ZSWIM8: variants seen among roughly 807,000 people sequenced by gnomAD.
ZSWIM8 encodes zinc finger SWIM domain-containing protein 8.
ZSWIM8 carries 27 observed loss-of-function variants against 173.7 expected under a neutral mutation model. That is an observed-to-expected ratio of 0.16 (90% confidence interval 0.11 to 0.21). The LOEUF is 0.21. ZSWIM8 is among the 10% of genes least tolerant of loss of function. ZSWIM8 has a pLI of 1.00. For missense variants in ZSWIM8, 1,627 were observed against 2,428.8 expected (o/e 0.67, Z 6.94); for synonymous variants, 958 against 962.0 (o/e 1.00, Z 0.08).
rs1167509149 is a variant in ZSWIM8, at chr10:73,789,659, C to T, written c.631-58C>T. 1 of 1,551,182 alleles carries T rather than the reference C, an allele frequency of 6.4e-7. No homozygotes were observed. The highest frequency in any genetic ancestry group is 8.7e-7 in the Non-Finnish European group (1 of 1,143,366). On this transcript the variant is annotated intron_variant, in intron 4 of 25. Coordinates refer to ENST00000604729, the MANE Select transcript of ZSWIM8 (RefSeq NM_001367799.1). This position sits in a 1 kb window ranked among gnomAD's most constrained non-coding sequence, Gnocchi z 6.8. ...CCTACTCTGCCTCTCTGTCCCCCAG[C>T]TCCAGCTCCAGCAAACCTGTTCTCA...
chr10:73,792,343 G>A lies in ZSWIM8; in HGVS notation c.1804G>A (p.Gly602Arg), dbSNP rs1292821805. The change falls in exon 10 of 26, where the codon GGA (glycine) becomes AGA (arginine). Residue 602 changes from glycine to arginine, a missense_variant. Gly to Arg is a moderately radical substitution (Grantham distance 125). Coordinates refer to ENST00000604729, the MANE Select transcript of ZSWIM8 (RefSeq NM_001367799.1). The surrounding 1 kb of genome is among the most constrained non-coding windows in gnomAD (Gnocchi z 4.3). ...GSGSKGSAGG[G>R]SKRRLSSEDS... is the part of the protein sequence containing the mutation. Reference sequence around the variant, plus strand: ...TGGGAGCAAGGGCTCAGCAGGTGGCGGAAGCAAGCGACGGCTGAGCAGCGA... The same window carrying A: ...TGGGAGCAAGGGCTCAGCAGGTGGCAGAAGCAAGCGACGGCTGAGCAGCGA... The A allele has an allele frequency of 1.6e-5, 26 of 1,612,074 alleles. No individual in the cohort carries two copies. Among genetic ancestry groups the A allele is most frequent in the African/African-American group, 4.0e-5 (3 of 74,892 alleles).
rs1197356285 is a variant in ZSWIM8 at position 73,789,761 on chromosome 10, C to G, written c.675C>G (p.Ser225=). Residue 225 remains serine (S), a synonymous_variant, in exon 5 of 26, where the codon TCC becomes TCG. Coordinates refer to ENST00000604729, the MANE Select transcript of ZSWIM8 (RefSeq NM_001367799.1). The surrounding 1 kb of genome is among the most constrained non-coding windows in gnomAD (Gnocchi z 6.8). ...CLRAPVSESL[S]RLQRDQLQKF... is the part of the protein sequence containing the mutation. ...GAGCCCCAGTCTCAGAGTCCCTGTC[C>G]CGGCTACAGAGGGACCAGCTGCAAA... is the stretch of plus-strand genomic sequence containing the variant. 1.9e-6 allele frequency: 3 copies of G among 1,609,796 alleles called. No homozygotes were observed. Among genetic ancestry groups the G allele is most frequent in the African/African-American group, 2.7e-5 (2 of 74,794 alleles).
chr10:73,796,442 G>A (rs531440508), intron 15 of ZSWIM8: 1 of 423,406 alleles, frequency 2.4e-6, no homozygotes, highest in Admixed American at 3.5e-5. Context: ...TAAAGAATAA[G>A]AGAAGACCAA....
At position 73,797,702 on chromosome 10, in the gene ZSWIM8, T is replaced by C; in HGVS notation, c.3663-79T>C. The stretch of plus-strand genomic sequence containing the variant: ...CCATTGTCTCCCAGCATCCTCACTT[T>C]CCCTGGTCCTTCCCAACCTACCCGG... On this transcript the variant is annotated intron_variant, in intron 18 of 25. Transcript: ENST00000604729. This position sits in a 1 kb window ranked among gnomAD's most constrained non-coding sequence, Gnocchi z 5.6. 6.4e-7 allele frequency: 1 copy of C among 1,564,844 alleles called. No individual in the cohort carries two copies. The highest frequency in any genetic ancestry group is 8.7e-7 in the Non-Finnish European group (1 of 1,151,378).
chr10:73,800,497 T>C lies in ZSWIM8; in HGVS notation c.5002+25T>C, dbSNP rs2132823787. The stretch of plus-strand genomic sequence containing the variant: ...GGTGAGAGGACATCCCTTTCTGTGC[T>C]CCTACCTGCAGTTGTGCCAGTGGCT... On this transcript the variant is annotated intron_variant, in intron 23 of 25. Coordinates refer to ENST00000604729, the MANE Select transcript of ZSWIM8 (RefSeq NM_001367799.1). The surrounding 1 kb of genome is among the most constrained non-coding windows in gnomAD (Gnocchi z 4.1). The C allele has an allele frequency of 6.2e-7, 1 of 1,612,144 alleles. No individual in the cohort carries two copies.
At chr10:73,790,369 T>C (rs2083374570) in intron 7 of ZSWIM8, 77 bp downstream of exon 7, 2 of 1,523,094 alleles carry the variant, frequency 1.3e-6, no homozygotes, top group African/African-American at 1.4e-5. Flanking sequence ...TCCTTTCTTC[T>C]ATTCATGCCT....
chr10:73,797,716 C>T lies in ZSWIM8; in HGVS notation c.3663-65C>T, dbSNP rs745643391. 116 of 1,569,928 alleles carry T rather than the reference C, an allele frequency of 7.4e-5. No homozygotes were observed. The highest frequency in any genetic ancestry group is 1.4e-4 in the Admixed American group (8 of 55,414). On this transcript the variant is annotated intron_variant, in intron 18 of 25. Transcript: ENST00000604729. This position sits in a 1 kb window ranked among gnomAD's most constrained non-coding sequence, Gnocchi z 5.6. ...CATCCTCACTTTCCCTGGTCCTTCC[C>T]AACCTACCCGGATGCCCATTTCAAA...
chr10:73,793,961 C>G lies in ZSWIM8; in HGVS notation c.2542C>G (p.Pro848Ala), dbSNP rs1295839065. The G allele has an allele frequency of 6.2e-7, 1 of 1,613,488 alleles. No homozygotes were observed. Among genetic ancestry groups the G allele is most frequent in the Admixed American group, 1.7e-5 (1 of 59,928 alleles). Reference sequence around the variant, plus strand: ...CCTGTTGACAGTGCTAAGTGAGCGTCCAGAGCACCACAACCTGGCCTTCCG... The same window carrying G: ...CCTGTTGACAGTGCTAAGTGAGCGTGCAGAGCACCACAACCTGGCCTTCCG... Reference protein sequence around the residue: ...AFLLTVLSERPEHHNLAFRVG... With the variant: ...AFLLTVLSERAEHHNLAFRVG... The change falls in exon 12 of 26, where the codon CCA (proline) becomes GCA (alanine). Residue 848 changes from proline (P) to alanine (A), a missense_variant. By Grantham distance (27) the Pro-to-Ala change is conservative (BLOSUM62 -1). Around this residue, in one of 18 missense-constraint regions of ZSWIM8, gnomAD observed 169 missense variants for 235.3 expected, o/e 0.72. Transcript: ENST00000604729.
At chr10:73,788,883 GT>G in intron 2 of ZSWIM8, 60 bp downstream of exon 2, 1 of 1,597,970 alleles carries the variant, frequency 6.3e-7, no homozygotes, top group Non-Finnish European at 8.5e-7. Flanking sequence ...TGTCTGCTGG[GT>G]TTCCCATAGA....
rs2083976694 is a variant in ZSWIM8, at chr10:73,801,772, T to C, written c.*253T>C. 10 of 1,470,274 alleles carry C rather than the reference T, an allele frequency of 6.8e-6. No homozygotes were observed. Among genetic ancestry groups the C allele is most frequent in the Non-Finnish European group, 9.0e-6 (10 of 1,112,052 alleles). The allele number at this position is 1,470,274 out of a possible 1,614,324, so 91.1% of individuals were successfully genotyped here. On this transcript the variant is annotated 3_prime_UTR_variant, in exon 26 of 26. Coordinates refer to ENST00000604729, the MANE Select transcript of ZSWIM8 (RefSeq NM_001367799.1). This position sits in a 1 kb window ranked among gnomAD's most constrained non-coding sequence, Gnocchi z 4.9. ...GGTATTTATTTGGCATTTATAAATATATAAACTCCTTTTTTACTCTAGTCG... is the reference window on the plus strand; with the variant it reads ...GGTATTTATTTGGCATTTATAAATACATAAACTCCTTTTTTACTCTAGTCG...
chr10:73,797,470 C>A lies in ZSWIM8; in HGVS notation c.3527C>A (p.Thr1176Asn), dbSNP rs1203602217. The A allele has an allele frequency of 1.2e-6, 2 of 1,613,976 alleles. No homozygotes were observed. Among genetic ancestry groups the A allele is most frequent in the Non-Finnish European group, 1.7e-6 (2 of 1,179,876 alleles). ...CCACTTCGAGGGGGCTGGGCCCCCA[C>A]CTCCTGGGGTCGAGGTCAGGACAGT... ...RRPLRGGWAP[T>N]SWGRGQDSDS... Residue 1176 changes from threonine to asparagine, a missense_variant, in exon 18 of 26, where the codon ACC (threonine) becomes AAC (asparagine). This residue lies in a region of ZSWIM8 where 72 missense variants were observed against 98.4 expected (regional missense o/e 0.73). Transcript: ENST00000604729. This position sits in a 1 kb window ranked among gnomAD's most constrained non-coding sequence, Gnocchi z 5.6.
rs2083928192 is a variant in ZSWIM8 at position 73,800,953 on chromosome 10, G to GT, written c.5123-63dup. ...CTCTGCCAGGCCAGAGCTGAGATCT[G>GT]TAAGTTGGGTCCCTAGGGCAGAGGT... On this transcript the variant is annotated intron_variant, in intron 24 of 25. Coordinates refer to ENST00000604729, the MANE Select transcript of ZSWIM8 (RefSeq NM_001367799.1). The surrounding 1 kb of genome is among the most constrained non-coding windows in gnomAD (Gnocchi z 4.1). 2 of 1,463,930 alleles carry GT rather than the reference G, an allele frequency of 1.4e-6. No individual in the cohort carries two copies. Among genetic ancestry groups the GT allele is most frequent in the South Asian group, 1.3e-5 (1 of 76,876 alleles). The allele number at this position is 1,463,930 out of a possible 1,614,324, so 90.7% of individuals were successfully genotyped here. A position where few individuals can be genotyped will look rare whatever the true frequency, so the allele number is the denominator to read the frequency against.
Position 73,800,635 on chromosome 10 carries a change from C to CTA in ZSWIM8, c.5003-5_5003-4insTA, listed in dbSNP as rs780271754. The CTA allele has an allele frequency of 2.9e-3, 4,677 of 1,598,836 alleles. 12 individuals carry two copies. The highest frequency in any genetic ancestry group is 3.0e-3 in the Non-Finnish European group (3,471 of 1,170,770). The stretch of plus-strand genomic sequence containing the variant: ...ACCATGTGCCCACCCTTATCTATCT[C>CTA]CCAGGAATGCTGGCACTGGAGATGC... On this transcript the variant is annotated splice_polypyrimidine_tract_variant and splice_region_variant and intron_variant, in intron 23 of 25. Transcript: ENST00000604729. The surrounding 1 kb of genome is among the most constrained non-coding windows in gnomAD (Gnocchi z 4.1).
In ZSWIM8 at chr10:73,785,665, G is replaced by A. The variant is rs1565065771; in HGVS notation, c.-214G>A. 6 of 637,422 alleles carry A rather than the reference G, an allele frequency of 9.4e-6. No individual in the cohort carries two copies. The Admixed American group carries it at 1.1e-4, about 12-fold the overall frequency. The allele number at this position is 637,422 out of a possible 1,614,324, so 39.5% of individuals were successfully genotyped here. A position where few individuals can be genotyped will look rare whatever the true frequency, so the allele number is the denominator to read the frequency against. On this transcript the variant is annotated 5_prime_UTR_variant, in exon 1 of 26. Coordinates refer to ENST00000604729, the MANE Select transcript of ZSWIM8 (RefSeq NM_001367799.1). ...TCCCGGCCCTAAGTCTCGGAGACTG[G>A]CCAAGATCACCGCTTGCACCGCGCT...
In ZSWIM8 at chr10:73,794,476, T is replaced by C. The variant is rs2083536464; in HGVS notation, c.2810-65T>C. Reference sequence around the variant, plus strand: ...GGTCTGTGATGATGAGGATTTTGGGTTCCCCTGTATTTTTTCCCATGCATG... The same window carrying C: ...GGTCTGTGATGATGAGGATTTTGGGCTCCCCTGTATTTTTTCCCATGCATG... On this transcript the variant is annotated intron_variant, in intron 13 of 25. Transcript: ENST00000604729. 1.9e-6 allele frequency: 3 copies of C among 1,566,722 alleles called. No individual in the cohort carries two copies. In the South Asian group the frequency reaches 3.4e-5, roughly 18 times the overall value.
In ZSWIM8 at chr10:73,791,679, C is replaced by T. The variant is rs2083418820; in HGVS notation, c.1319+180C>T. ...TTTTTCTGAGAGGCTTTCATCCTTCCTTCCCCTAAATAACACCCACTTTTC... is the reference window on the plus strand; with the variant it reads ...TTTTTCTGAGAGGCTTTCATCCTTCTTTCCCCTAAATAACACCCACTTTTC... On this transcript the variant is annotated intron_variant, in intron 9 of 25. Transcript: ENST00000604729. The surrounding 1 kb of genome is among the most constrained non-coding windows in gnomAD (Gnocchi z 6.0). Among the ~76,000 whole-genome samples, 1 of 152,206 alleles carries T rather than the reference C, an allele frequency of 6.6e-6. No individual in the cohort carries two copies. Among genetic ancestry groups the T allele is most frequent in the Non-Finnish European group, 1.5e-5 (1 of 68,030 alleles).
chr10:73,795,778 C>T (rs569725999), intron 15 of ZSWIM8, 115 bp downstream of exon 15: 23 of 1,192,420 alleles, frequency 1.9e-5, no homozygotes, highest in African/African-American at 1.2e-4. Context: ...GGCAACATGG[C>T]GAAACCCCGT....
chr10:73,792,810 G>T lies in ZSWIM8; in HGVS notation c.2271G>T (p.Leu757=), dbSNP rs1385445533. Reference sequence around the variant, plus strand: ...GCGGGGCTGGGGAGGAGCACGACCTGTTTGCTGGGCTGAAGCCACTGGAAC... The same window carrying T: ...GCGGGGCTGGGGAGGAGCACGACCTTTTTGCTGGGCTGAAGCCACTGGAAC... ...AEGGAGEEHD[L]FAGLKPLEQE... Residue 757 remains leucine (L), a synonymous_variant, in exon 10 of 26, where the codon CTG becomes CTT. Coordinates refer to ENST00000604729, the MANE Select transcript of ZSWIM8 (RefSeq NM_001367799.1). This position sits in a 1 kb window ranked among gnomAD's most constrained non-coding sequence, Gnocchi z 4.3. 1.3e-6 allele frequency: 2 copies of T among 1,596,124 alleles called. No individual in the cohort carries two copies. Among genetic ancestry groups the T allele is most frequent in the Non-Finnish European group, 1.7e-6 (2 of 1,175,340 alleles).
At position 73,797,245 on chromosome 10, in the gene ZSWIM8, C is replaced by A. The variant is rs778132830; in HGVS notation, c.3407C>A (p.Pro1136Gln). ...TATAATGGACGGGGATGGGGGTCCC[C>A]AGGACGGCCTAAGAAGAAGCACACA... ...GGYNGRGWGS[P>Q]GRPKKKHTGM... The change falls in exon 17 of 26, where the codon CCA becomes CAA. Residue 1136 changes from proline (P) to glutamine (Q), a missense_variant. This residue lies in a region of ZSWIM8 where 163 missense variants were observed against 193.2 expected (regional missense o/e 0.84). Coordinates refer to ENST00000604729, the MANE Select transcript of ZSWIM8 (RefSeq NM_001367799.1). This position sits in a 1 kb window ranked among gnomAD's most constrained non-coding sequence, Gnocchi z 5.6. 6.2e-7 allele frequency: 1 copy of A among 1,613,856 alleles called. No individual in the cohort carries two copies. Among genetic ancestry groups the A allele is most frequent in the Admixed American group, 1.7e-5 (1 of 60,002 alleles).
Sources: gnomAD v4.1 joint callset for allele counts (sites outside exome capture counted in the v4.1 genomes callset) on GRCh38, gnomAD v4.1.1 for gene constraint, gnomAD v4.1.1 regional missense constraint, Gnocchi (gnomAD v3.1) non-coding constraint, MANE v1.5 for transcripts, NCBI Gene and HGNC (gene_info 2026-07-23, HGNC 2026-07-21) for gene names.